Variants in RERE observed in about 807,000 individuals in gnomAD.
The protein encoded by RERE is arginine-glutamic acid dipeptide repeats.
A neutral mutation model predicts 146.1 loss-of-function variants in RERE; 40 were observed. The observed-to-expected ratio is 0.27, with a 90% confidence interval of 0.21 to 0.36. RERE has a LOEUF of 0.36. Among genes scored for constraint, RERE ranks in the 10% least tolerant of loss-of-function variants. The probability of loss-of-function intolerance (pLI) is 1.00; values close to 1 mark genes in which losing one functional copy is unlikely to be tolerated. For missense variants in RERE, 1,933 were observed against 2,138.7 expected (o/e 0.90, Z 1.90); for synonymous variants, 1,003 against 866.0 (o/e 1.16, Z -2.78).
chr1:8,740,003 A>G (rs1021263860), intron 1 of RERE, among the ~76,000 whole-genome samples: 3 of 151,628 alleles, frequency 2.0e-5, no homozygotes, highest in African/African-American at 7.3e-5. Flanking sequence ...TCTTTCCCCT[A>G]TTGCCATATC....
At chr1:8,554,194 A>G (rs890649728) in intron 6 of RERE, among the ~76,000 whole-genome samples, 4 of 152,214 alleles carry the variant, frequency 2.6e-5, no homozygotes, top group Non-Finnish European at 5.9e-5. Context: ...TCAGAAAAAA[A>G]GATTCTACAA....
chr1:8,573,911 T>G (rs966772514), intron 4 of RERE, among the ~76,000 whole-genome samples: 3 of 152,114 alleles, frequency 2.0e-5, no homozygotes, highest in Non-Finnish European at 4.4e-5. Flanking sequence ...GCTCAAGCTC[T>G]CCTCCTACCT....
chr1:8,377,882 T>C (rs1642313055), intron 12 of RERE, among the ~76,000 whole-genome samples: 1 of 152,194 alleles, frequency 6.6e-6, no homozygotes, highest in South Asian at 2.1e-4. Context: ...TGACAGGGGC[T>C]GGAGGGAAAT....
rs1157037521 is a variant in RERE, at chr1:8,608,237, G to A, written c.522+6324C>T. Among the ~76,000 whole-genome samples, 6 of 152,166 alleles carry A rather than the reference G, an allele frequency of 3.9e-5. No homozygotes were observed. The East Asian group carries it at 1.2e-3, about 29-fold the overall frequency. On this transcript the variant is annotated intron_variant, in intron 4 of 22. Transcript: ENST00000400908. ...TAGTACGGAACAAGGGCTGTGCCAA[G>A]TGGCTTTGTAATCTTAGCACTTTGG... is the stretch of plus-strand genomic sequence containing the variant.
chr1:8,602,035 CT>C (rs1249950765), intron 4 of RERE, among the ~76,000 whole-genome samples: 10 of 152,194 alleles, frequency 6.6e-5, no homozygotes, highest in Admixed American at 5.9e-4. Flanking sequence ...GCACAGTACC[CT>C]TCTCTCTAAT....
At chr1:8,521,646 GAAAT>G (rs1645503221) in intron 7 of RERE, among the ~76,000 whole-genome samples, 2 of 152,128 alleles carry the variant, frequency 1.3e-5, no homozygotes, top group Non-Finnish European at 1.5e-5. Flanking sequence ...AAAACTGTAA[GAAAT>G]ATTTATTTCC....
intron 1 of RERE, chr1:8,750,382 A>G: frequency 1.5e-6 from 1 of 669,512 alleles, no homozygotes; most frequent in East Asian, 2.6e-5. Flanking sequence ...GAGTGTCACA[A>G]ACCCAGTAGT....
intron 1 of RERE, among the ~76,000 whole-genome samples, chr1:8,747,062 A>AGTGCAGTG (rs1299415891): frequency 1.3e-5 from 2 of 151,686 alleles, no homozygotes; most frequent in African/African-American, 4.8e-5. Flanking sequence ...CCCAGGCTGG[A>AGTGCAGTG]GCGATCTTGG....
chr1:8,813,327 C>T (rs931612320), intron 1 of RERE, among the ~76,000 whole-genome samples: 3 of 152,088 alleles, frequency 2.0e-5, no homozygotes, highest in African/African-American at 7.2e-5. Flanking sequence ...AAGTAGCTGC[C>T]AAAAGTAGCT....
chr1:8,731,023 T>C (rs1164954564), intron 1 of RERE, among the ~76,000 whole-genome samples: 14 of 152,052 alleles, frequency 9.2e-5, no homozygotes, highest in Admixed American at 8.5e-4. Flanking sequence ...AGCAAACAGC[T>C]ACCACAAAAT....
chr1:8,782,925 T>C (rs570200720), intron 1 of RERE, among the ~76,000 whole-genome samples: 2 of 152,170 alleles, frequency 1.3e-5, no homozygotes, highest in South Asian at 2.1e-4. Context: ...ACAAATAATC[T>C]GCTCTAAACA....
intron 1 of RERE, among the ~76,000 whole-genome samples, chr1:8,700,687 C>T (rs1196153325): frequency 1.3e-5 from 2 of 152,014 alleles, no homozygotes; most frequent in Admixed American, 1.3e-4. Context: ...TCCAATGATG[C>T]CAACATTTAT....
rs1643929572 is a variant in RERE, at chr1:8,422,803, C to T, written c.1208G>A (p.Arg403His). The change falls in exon 12 of 23, where the codon CGC becomes CAC. Residue 403 changes from arginine to histidine, a missense_variant. Physicochemically the swap from Arg to His is conservative, Grantham distance 29. Coordinates refer to ENST00000400908, the MANE Select transcript of RERE (RefSeq NM_001042681.2). The stretch of plus-strand genomic sequence containing the variant: ...GTACTGCCTGAGTCCCTTAACGAAG[C>T]GTTTCTGTGATAAAAAGAAACAAAT... ...EKCWTEDEVK[R>H]FVKGLRQYGK... The T allele has an allele frequency of 1.9e-6, 3 of 1,612,616 alleles. No individual in the cohort carries two copies. Among genetic ancestry groups the T allele is most frequent in the Non-Finnish European group, 2.5e-6 (3 of 1,178,978 alleles).
At position 8,413,397 on chromosome 1, in the gene RERE, T is replaced by C. The variant is rs533783050; in HGVS notation, c.1284+9330A>G. 7.9e-5 allele frequency among the ~76,000 whole-genome samples: 12 copies of C among 152,276 alleles called. No homozygotes were observed. The East Asian group carries it at 1.5e-3, about 20-fold the overall frequency. ...CTACTCTGTTGCCCAGGCTGGAGCA[T>C]AGCAGCGTGATCTTGGCTCACTGCA... On this transcript the variant is annotated intron_variant, in intron 12 of 22. Coordinates refer to ENST00000400908, the MANE Select transcript of RERE (RefSeq NM_001042681.2).
At chr1:8,729,217 A>ATTTTTTTTTTTTTTTT (rs1173630956) in intron 1 of RERE, among the ~76,000 whole-genome samples, 1 of 100,420 alleles carries the variant, frequency 1.0e-5, no homozygotes, top group Non-Finnish European at 1.9e-5. Flanking sequence ...AGCTACACCG[A>ATTTTTTTTTTTTTTTT]TTTTTTTTTT....
intron 4 of RERE, among the ~76,000 whole-genome samples, chr1:8,560,308 A>G (rs1239621160): frequency 6.6e-6 from 1 of 152,224 alleles, no homozygotes; most frequent in Non-Finnish European, 1.5e-5. Context: ...CCCATCGTCC[A>G]GTTCTGACAA....
intron 4 of RERE, among the ~76,000 whole-genome samples, chr1:8,574,267 A>G (rs1646260392): frequency 6.6e-6 from 1 of 151,652 alleles, no homozygotes; most frequent in African/African-American, 2.4e-5. Flanking sequence ...GCTTAGTAGC[A>G]CTATGGTCAC....
rs1373550034 is a variant in RERE at position 8,428,384 on chromosome 1, T to G, written c.1204-5577A>C. The G allele has an allele frequency of 2.0e-5, 3 of 152,320 alleles. No individual in the cohort carries two copies. In the East Asian group the frequency reaches 5.8e-4, roughly 29 times the overall value. The allele number at this position is 152,320 out of a possible 1,614,324, so 9.4% of individuals were successfully genotyped here. The stretch of plus-strand genomic sequence containing the variant: ...GTCCTTTTCTGTTTGTGTACCCCCA[T>G]AGCCAGGTGAGATCCAAATATAAAT... On this transcript the variant is annotated intron_variant, in intron 11 of 22. Transcript: ENST00000400908.
At chr1:8,721,031 G>A (rs1408853403) in intron 1 of RERE, among the ~76,000 whole-genome samples, 1 of 152,096 alleles carries the variant, frequency 6.6e-6, no homozygotes, top group African/African-American at 2.4e-5. Context: ...ACCAGCCTGG[G>A]TGACAGAGCG....
Sources: gnomAD v4.1 joint callset for allele counts (sites outside exome capture counted in the v4.1 genomes callset) on GRCh38, gnomAD v4.1.1 for gene constraint, MANE v1.5 for transcripts, NCBI Gene and HGNC (gene_info 2026-07-23, HGNC 2026-07-21) for gene names.